Variants in CSMD1 observed in about 807,000 individuals in gnomAD.
CSMD1 encodes the protein CUB and sushi domain-containing protein 1.
CSMD1 carries 213 observed loss-of-function variants against 417.5 expected under a neutral mutation model. The ratio of observed to expected loss-of-function variants is 0.51; its 90% CI spans 0.46 to 0.57. The LOEUF is 0.57. CSMD1 is among the 20% of genes least tolerant of loss of function. The pLI is 0.00. For synonymous variants in CSMD1, 2,862 were observed against 1,736.8 expected (o/e 1.65, Z -16.11); for missense variants, 6,923 against 4,529.7 (o/e 1.53, Z -15.17).
At position 2,936,168 on chromosome 8, in the gene CSMD1, G is replaced by T. The variant is rs1801447633; in HGVS notation, c.*2417C>A. The T allele has an allele frequency of 6.6e-6, 1 of 151,890 alleles. No homozygotes were observed. Among genetic ancestry groups the T allele is most frequent in the Non-Finnish European group, 1.5e-5 (1 of 67,988 alleles). 9.4% of individuals were successfully genotyped at this position (151,890 alleles called of 1,614,324 possible). On this transcript the variant is annotated 3_prime_UTR_variant, in exon 70 of 70. Coordinates refer to ENST00000635120, the MANE Select transcript of CSMD1 (RefSeq NM_033225.6). ...ACATGCTTCAAACTGGCAACCCTAG[G>T]ACAGTTTGACTTTGCACACAAAGGA...
intron 5 of CSMD1, among the ~76,000 whole-genome samples, chr8:3,954,338 A>T (rs562632949): frequency 2.0e-5 from 3 of 152,206 alleles, no homozygotes; most frequent in African/African-American, 7.2e-5. Context: ...AGAGAAGGTC[A>T]AGAGCCATTT....
rs748465942 is a variant in CSMD1 at position 3,625,671 on chromosome 8, G to A, written c.1010-8874C>T. Among the ~76,000 whole-genome samples, 59 of 152,084 alleles carry A rather than the reference G, an allele frequency of 3.9e-4. 1 individual carries two copies. The highest frequency in any genetic ancestry group is 2.2e-4 in the Non-Finnish European group (15 of 67,986). On this transcript the variant is annotated intron_variant, in intron 7 of 69. Coordinates refer to ENST00000635120, the MANE Select transcript of CSMD1 (RefSeq NM_033225.6). ...ATACACTAAAAAAAATAACTCTATTGTACATAAAAAATAAAACGATTTGGC... is the reference window on the plus strand; with the variant it reads ...ATACACTAAAAAAAATAACTCTATTATACATAAAAAATAAAACGATTTGGC...
At chr8:4,412,025 G>A (rs1261174525) in intron 3 of CSMD1, among the ~76,000 whole-genome samples, 2 of 148,418 alleles carry the variant, frequency 1.3e-5, no homozygotes, top group East Asian at 2.0e-4. Flanking sequence ...TGTAGCCAGG[G>A]CAAATGATTA....
At chr8:3,943,916 C>G (rs1563237590) in intron 5 of CSMD1, among the ~76,000 whole-genome samples, 1 of 152,044 alleles carries the variant, frequency 6.6e-6, no homozygotes, top group African/African-American at 2.4e-5. Context: ...GAATTAGGTT[C>G]TGAGCCAGAA....
rs545475129 is a variant in CSMD1 at position 3,928,586 on chromosome 8, C to G, written c.818+69317G>C. Among the ~76,000 whole-genome samples, 3 of 151,024 alleles carry G rather than the reference C, an allele frequency of 2.0e-5. No homozygotes were observed. In the East Asian group the frequency reaches 5.8e-4, roughly 29 times the overall value. On this transcript the variant is annotated intron_variant, in intron 5 of 69. Coordinates refer to ENST00000635120, the MANE Select transcript of CSMD1 (RefSeq NM_033225.6). ...AGTTCAGATCTACAAGTAGTTCCAT[C>G]CACCAATATAATAGATGATGTCATA...
chr8:4,679,771 C>T (rs1038135364), intron 1 of CSMD1, among the ~76,000 whole-genome samples: 1 of 151,850 alleles, frequency 6.6e-6, no homozygotes, highest in Admixed American at 6.6e-5. Context: ...AAGCTTTATG[C>T]TAAGTAATAT....
At chr8:4,959,819 A>C (rs1023403575) in intron 1 of CSMD1, among the ~76,000 whole-genome samples, 3 of 152,184 alleles carry the variant, frequency 2.0e-5, no homozygotes, top group Admixed American at 6.5e-5. Context: ...ATATCCACAT[A>C]GCTAACTACC....
chr8:4,273,769 C>T (rs931951292), intron 3 of CSMD1, among the ~76,000 whole-genome samples: 3 of 152,116 alleles, frequency 2.0e-5, no homozygotes, highest in Admixed American at 6.6e-5. Flanking sequence ...GATGATTTAG[C>T]CTCTGTAAGC....
chr8:3,076,697 G>A (rs947292832), intron 49 of CSMD1, among the ~76,000 whole-genome samples: 2 of 152,188 alleles, frequency 1.3e-5, no homozygotes, highest in Non-Finnish European at 2.9e-5. Flanking sequence ...GAAACCTCAT[G>A]AAAGAAAGGA....
intron 5 of CSMD1, among the ~76,000 whole-genome samples, chr8:3,819,118 G>A (rs943118059): frequency 6.6e-6 from 1 of 152,148 alleles, no homozygotes; most frequent in African/African-American, 2.4e-5. Flanking sequence ...AGGAGATGGG[G>A]GAAAGATTTG....
chr8:4,104,253 T>C (rs1801450672), intron 3 of CSMD1, among the ~76,000 whole-genome samples: 1 of 152,222 alleles, frequency 6.6e-6, no homozygotes, highest in Admixed American at 6.5e-5. Flanking sequence ...AGATACATAA[T>C]GATTTATCTC....
intron 3 of CSMD1, among the ~76,000 whole-genome samples, chr8:4,341,552 A>G (rs189995864): frequency 6.6e-6 from 1 of 152,230 alleles, no homozygotes; most frequent in East Asian, 1.9e-4. Context: ...TATTTTTCCT[A>G]CAGTGTGATT....
intron 27 of CSMD1, among the ~76,000 whole-genome samples, chr8:3,228,294 T>A (rs1384874680): frequency 6.6e-6 from 1 of 152,246 alleles, no homozygotes; most frequent in East Asian, 1.9e-4. Context: ...ACATGAGTGC[T>A]AATTATAATT....
chr8:4,800,226 G>C (rs923611377), intron 1 of CSMD1, among the ~76,000 whole-genome samples: 4 of 152,036 alleles, frequency 2.6e-5, no homozygotes, highest in African/African-American at 9.7e-5. Context: ...ATCACCTGAG[G>C]TCAGGAGTTG....
At chr8:3,988,371 G>A (rs1407257143) in intron 5 of CSMD1, among the ~76,000 whole-genome samples, 2 of 152,164 alleles carry the variant, frequency 1.3e-5, no homozygotes, top group African/African-American at 4.8e-5. Flanking sequence ...CAGTTTGGAG[G>A]AAAACCTGAA....
chr8:3,173,028 G>A (rs932775270), intron 37 of CSMD1, among the ~76,000 whole-genome samples: 1 of 152,146 alleles, frequency 6.6e-6, no homozygotes, highest in Non-Finnish European at 1.5e-5. Context: ...CCCTACCCCT[G>A]CCTTGTCAAA....
chr8:3,501,168 T>C (rs1466468315), intron 10 of CSMD1, among the ~76,000 whole-genome samples: 7 of 152,304 alleles, frequency 4.6e-5, no homozygotes, highest in South Asian at 2.1e-4. Context: ...TTCTCCTGAT[T>C]CAGTTAAACC....
intron 6 of CSMD1, among the ~76,000 whole-genome samples, chr8:3,719,880 G>C (rs1475691989): frequency 6.6e-6 from 1 of 152,076 alleles, no homozygotes; most frequent in Non-Finnish European, 1.5e-5. Flanking sequence ...CATTGTTCTG[G>C]AACTCATTAG....
At chr8:4,833,072 C>T (rs1438291990) in intron 1 of CSMD1, among the ~76,000 whole-genome samples, 1 of 152,112 alleles carries the variant, frequency 6.6e-6, no homozygotes, top group Non-Finnish European at 1.5e-5. Flanking sequence ...ATACCACTTG[C>T]CAATTCTAAC....
Sources: gnomAD v4.1 joint callset for allele counts (sites outside exome capture counted in the v4.1 genomes callset) on GRCh38, gnomAD v4.1.1 for gene constraint, MANE v1.5 for transcripts, NCBI Gene and HGNC (gene_info 2026-07-23, HGNC 2026-07-21) for gene names.